The following ATP5PD variants were observed in gnomAD, a reference collection of about 807,000 sequenced individuals.
ATP5PD encodes the protein ATP synthase peripheral stalk subunit d.
Under a neutral mutation model 22.6 loss-of-function variants are expected in ATP5PD, and 13 were observed. That is an observed-to-expected ratio of 0.58 (90% CI 0.37 to 0.91). The LOEUF (loss-of-function observed/expected upper bound fraction) is 0.91, where lower values mean the gene tolerates loss of function less well. Ranked by LOEUF, ATP5PD falls within the 40% of genes least tolerant of loss-of-function variation. The pLI is 0.00. For missense variants in ATP5PD, 165 were observed against 188.0 expected (o/e 0.88, Z 0.72); for synonymous variants, 51 against 65.0 (o/e 0.79, Z 1.03).
At position 75,042,659 on chromosome 17, in the gene ATP5PD, C is replaced by T. The variant is rs1448365371; in HGVS notation, c.-9G>A. 1 of 1,589,634 alleles carries T rather than the reference C, an allele frequency of 6.3e-7. No individual in the cohort carries two copies. Among genetic ancestry groups the T allele is most frequent in the Non-Finnish European group, 8.5e-7 (1 of 1,173,740 alleles). The stretch of plus-strand genomic sequence containing the variant: ...AGTTTTCGCCCAGCCATTTTGGGAT[C>T]CTGAAAAATAAGTCAAATAAAAACA... On this transcript the variant is annotated splice_region_variant and 5_prime_UTR_variant, in exon 2 of 6. Coordinates refer to ENST00000301587, the MANE Select transcript of ATP5PD (RefSeq NM_006356.3).
chr17:75,045,751 A>C (rs2073208547), intron 1 of ATP5PD, among the ~76,000 whole-genome samples: 1 of 152,160 alleles, frequency 6.6e-6, no homozygotes, highest in African/African-American at 2.4e-5. Context: ...CATGCTGTAC[A>C]ATTTTTGTAG....
chr17:75,040,016 T>C (rs773239074), intron 4 of ATP5PD, 76 bp downstream of exon 4: 2 of 1,493,868 alleles, frequency 1.3e-6, no homozygotes, highest in Non-Finnish European at 1.9e-6. Context: ...TAATTCACTC[T>C]AACTTAACTT....
chr17:75,043,628 A>AAC (rs2073183236), intron 1 of ATP5PD, among the ~76,000 whole-genome samples: 1 of 151,370 alleles, frequency 6.6e-6, no homozygotes, highest in South Asian at 2.1e-4. Context: ...AAAAAAAAAA[A>AAC]CAAACCCCAG....
chr17:75,045,102 G>A (rs918118979), intron 1 of ATP5PD, among the ~76,000 whole-genome samples: 4 of 152,260 alleles, frequency 2.6e-5, no homozygotes, highest in South Asian at 2.1e-4. Flanking sequence ...AAAGCTGGGC[G>A]TCCGGGGGAG....
At chr17:75,042,042 C>T (rs1748274497) in intron 3 of ATP5PD, 139 bp downstream of exon 3, 1 of 679,384 alleles carries the variant, frequency 1.5e-6, no homozygotes, top group Non-Finnish European at 2.5e-6. Flanking sequence ...CAATCGACCA[C>T]AAGGCCTTTG....
At chr17:75,044,958 C>T (rs1195212865) in intron 1 of ATP5PD, among the ~76,000 whole-genome samples, 4 of 152,092 alleles carry the variant, frequency 2.6e-5, no homozygotes, top group African/African-American at 4.8e-5. Flanking sequence ...TTTAAAGTTA[C>T]CAGGGAACCA....
At position 75,042,646 on chromosome 17, in the gene ATP5PD, G is replaced by A. The variant is rs765051597; in HGVS notation, c.5C>T (p.Ala2Val). 20 of 1,601,350 alleles carry A rather than the reference G, an allele frequency of 1.2e-5. No individual in the cohort carries two copies. The South Asian group carries it at 2.2e-4, about 17-fold the overall frequency. The change falls in exon 2 of 6, where the codon GCT (alanine) becomes GTT (valine). Residue 2 changes from alanine (A) to valine (V), a missense_variant. Ala to Val is a moderately conservative substitution (Grantham distance 64, BLOSUM62 0). Transcript: ENST00000301587. ...GGTTTTTAGAGCAAGTTTTCGCCCAGCCATTTTGGGATCCTGAAAAATAAG... is the reference window on the plus strand; with the variant it reads ...GGTTTTTAGAGCAAGTTTTCGCCCAACCATTTTGGGATCCTGAAAAATAAG... MAGRKLALKTID... is the reference protein window; with the variant it reads MVGRKLALKTID...
chr17:75,039,089 T>A, intron 5 of ATP5PD, 26 bp from the exon 6 acceptor site: 1 of 1,613,436 alleles, frequency 6.2e-7, no homozygotes, highest in Non-Finnish European at 8.5e-7. Context: ...ATGTGTTTAG[T>A]TAATGTAAAC....
chr17:75,043,982 A>G (rs1598690410), intron 1 of ATP5PD, among the ~76,000 whole-genome samples: 1 of 150,780 alleles, frequency 6.6e-6, no homozygotes, highest in African/African-American at 2.4e-5. Context: ...CTTCTTATTC[A>G]CATCGGATTA....
chr17:75,045,264 G>C (rs1025405710), intron 1 of ATP5PD, among the ~76,000 whole-genome samples: 1 of 152,246 alleles, frequency 6.6e-6, no homozygotes, highest in Non-Finnish European at 1.5e-5. Flanking sequence ...CACAAGGCAA[G>C]TGGAGGCAGG....
intron 1 of ATP5PD, among the ~76,000 whole-genome samples, chr17:75,045,604 T>C (rs1161877684): frequency 6.6e-6 from 1 of 152,220 alleles, no homozygotes; most frequent in Non-Finnish European, 1.5e-5. Context: ...CCATTTGCTT[T>C]TGAAGGAAGA....
chr17:75,039,862 A>G (rs2073140825), intron 4 of ATP5PD: 1 of 541,546 alleles, frequency 1.8e-6, no homozygotes, highest in Non-Finnish European at 3.2e-6. Flanking sequence ...TACATTTTCT[A>G]GAGTCTTACA....
intron 1 of ATP5PD, among the ~76,000 whole-genome samples, chr17:75,046,620 C>T (rs915279266): frequency 2.6e-5 from 4 of 152,248 alleles, no homozygotes; most frequent in Admixed American, 2.6e-4. Context: ...TTCCCCAGTC[C>T]CCCCACCAAA....
intron 1 of ATP5PD, among the ~76,000 whole-genome samples, chr17:75,046,449 G>A (rs2073217479): frequency 6.6e-6 from 1 of 152,178 alleles, no homozygotes; most frequent in Non-Finnish European, 1.5e-5. Flanking sequence ...ATGCGCATAG[G>A]AGGTGCTCAA....
At position 75,042,514 on chromosome 17, in the gene ATP5PD, C is replaced by T; in HGVS notation, c.122+15G>A. The T allele has an allele frequency of 6.2e-7, 1 of 1,601,176 alleles. No homozygotes were observed. Among genetic ancestry groups the T allele is most frequent in the East Asian group, 2.2e-5 (1 of 44,850 alleles). On this transcript the variant is annotated intron_variant, in intron 2 of 5. Transcript: ENST00000301587. Reference sequence around the variant, plus strand: ...CAGTGGCAAGTATGGGGTTCCCTCTCAGAAACATACTGACCTGGAGGTGAG... The same window carrying T: ...CAGTGGCAAGTATGGGGTTCCCTCTTAGAAACATACTGACCTGGAGGTGAG...
chr17:75,043,624 A>C (rs1422061286), intron 1 of ATP5PD, among the ~76,000 whole-genome samples: 8 of 151,920 alleles, frequency 5.3e-5, no homozygotes, highest in South Asian at 2.1e-4. Flanking sequence ...AAAAAAAAAA[A>C]AAAACAAACC....
intron 3 of ATP5PD, chr17:75,041,931 CA>C: frequency 2.7e-6 from 1 of 371,564 alleles, no homozygotes; most frequent in Non-Finnish European, 4.8e-6. Flanking sequence ...CAGAGCAGGT[CA>C]AAACTCCTGT....
intron 1 of ATP5PD, among the ~76,000 whole-genome samples, chr17:75,046,670 C>T (rs574895250): frequency 6.6e-6 from 1 of 152,386 alleles, no homozygotes; most frequent in African/African-American, 2.4e-5. Context: ...CTGCACGAGA[C>T]ACGGCTTGTG....
intron 1 of ATP5PD, among the ~76,000 whole-genome samples, chr17:75,044,126 G>A (rs916143280): frequency 5.3e-5 from 8 of 149,682 alleles, no homozygotes; most frequent in African/African-American, 2.0e-4. Flanking sequence ...CCAGGCTCAA[G>A]CGATTCTCCT....
Sources: gnomAD v4.1 joint callset for allele counts (sites outside exome capture counted in the v4.1 genomes callset) on GRCh38, gnomAD v4.1.1 for gene constraint, MANE v1.5 for transcripts, NCBI Gene and HGNC (gene_info 2026-07-23, HGNC 2026-07-21) for gene names.